HCN1: variants seen among roughly 807,000 people sequenced by gnomAD.
HCN1 encodes the protein hyperpolarization activated cyclic nucleotide gated potassium channel 1, also known as potassium/sodium hyperpolarization-activated cyclic nucleotide-gated channel 1.
In HCN1, 13 loss-of-function variants were observed where a neutral mutation model predicts 78.9. That is an observed-to-expected ratio of 0.16 (90% CI 0.11 to 0.26). The LOEUF (loss-of-function observed/expected upper bound fraction) is 0.26, where lower values mean the gene tolerates loss of function less well. Among genes scored for constraint, HCN1 ranks in the 10% least tolerant of loss-of-function variants. HCN1 has a pLI of 1.00. For synonymous variants in HCN1, 552 were observed against 455.5 expected (o/e 1.21, Z -2.70); for missense variants, 810 against 1,154.3 (o/e 0.70, Z 4.32).
At position 45,315,061 on chromosome 5, in the gene HCN1, G is replaced by A. The variant is rs113491784; in HGVS notation, c.1378-11222C>T. On this transcript the variant is annotated intron_variant, in intron 5 of 7. Transcript: ENST00000303230. ...ATTGAACTCAGCTCTGCACCAAGCG[G>A]ACCTAATAGACATCTACAGAACTCT... Among the ~76,000 whole-genome samples the A allele has an allele frequency of 4.6e-5, 7 of 152,250 alleles. 1 individual carries two copies. Among genetic ancestry groups the A allele is most frequent in the African/African-American group, 1.7e-4 (7 of 41,542 alleles).
intron 6 of HCN1, among the ~76,000 whole-genome samples, chr5:45,267,495 C>T (rs1480210552): frequency 4.0e-5 from 6 of 150,800 alleles, no homozygotes; most frequent in East Asian, 1.9e-4. Flanking sequence ...GAAGGCCAGG[C>T]GCAGTGGCTC....
At position 45,495,661 on chromosome 5, in the gene HCN1, T is replaced by G. The variant is rs947995554; in HGVS notation, c.850-33654A>C. ...TGTTGAATAGGAGTGGTGAGAGAGGTCATCCCTGTCTTGTGCCAGTTTTCA... is the reference window on the plus strand; with the variant it reads ...TGTTGAATAGGAGTGGTGAGAGAGGGCATCCCTGTCTTGTGCCAGTTTTCA... On this transcript the variant is annotated intron_variant, in intron 2 of 7. Transcript: ENST00000303230. Among the ~76,000 whole-genome samples, 648 of 152,126 alleles carry G rather than the reference T, an allele frequency of 4.3e-3. 5 individuals carry two copies. The highest frequency in any genetic ancestry group is 7.3e-3 in the Non-Finnish European group (493 of 67,946).
intron 5 of HCN1, among the ~76,000 whole-genome samples, chr5:45,331,242 T>TA (rs1189997430): frequency 6.6e-6 from 1 of 151,150 alleles, no homozygotes; most frequent in Non-Finnish European, 1.5e-5. Context: ...GTAATCATTG[T>TA]AAAAATAATA....
chr5:45,439,859 G>A (rs1030667082), intron 3 of HCN1, among the ~76,000 whole-genome samples: 7 of 150,964 alleles, frequency 4.6e-5, no homozygotes, highest in Admixed American at 4.6e-4. Flanking sequence ...AAGGTACGAA[G>A]AAACATAAAA....
chr5:45,554,338 C>T (rs7717729), intron 2 of HCN1, among the ~76,000 whole-genome samples: 2,525 of 151,714 alleles, frequency 0.017, 66 homozygotes, highest in African/African-American at 0.057. Flanking sequence ...CCTTATAATC[C>T]AAATATTCTG....
intron 6 of HCN1, among the ~76,000 whole-genome samples, chr5:45,279,575 C>G (rs1745121833): frequency 6.6e-6 from 1 of 151,986 alleles, no homozygotes; most frequent in African/African-American, 2.4e-5. Flanking sequence ...TACTAGAATA[C>G]TAGTAGAAGA....
intron 2 of HCN1, among the ~76,000 whole-genome samples, chr5:45,504,576 T>TTA (rs1742256818): frequency 6.6e-6 from 1 of 152,164 alleles, no homozygotes; most frequent in African/African-American, 2.4e-5. Context: ...GCATGTGTCT[T>TTA]TATAGCAGCA....
intron 5 of HCN1, among the ~76,000 whole-genome samples, chr5:45,334,408 C>A (rs549731481): frequency 6.6e-6 from 1 of 151,856 alleles, no homozygotes; most frequent in East Asian, 1.9e-4. Flanking sequence ...TATTCCAGGC[C>A]ATGGTGAACA....
intron 4 of HCN1, among the ~76,000 whole-genome samples, chr5:45,383,868 C>G (rs929357121): frequency 1.3e-5 from 2 of 152,148 alleles, no homozygotes; most frequent in East Asian, 3.9e-4. Flanking sequence ...GATTCTCTTG[C>G]CTTGTTTGTA....
At chr5:45,674,407 T>A (rs1391441928) in intron 1 of HCN1, among the ~76,000 whole-genome samples, 4 of 151,718 alleles carry the variant, frequency 2.6e-5, no homozygotes, top group Non-Finnish European at 4.4e-5. Context: ...TCTTCTGTGA[T>A]TGATCTTATA....
intron 3 of HCN1, among the ~76,000 whole-genome samples, chr5:45,403,416 G>A (rs1218265235): frequency 1.3e-5 from 2 of 152,182 alleles, no homozygotes; most frequent in African/African-American, 2.4e-5. Flanking sequence ...ACTCAGTTCA[G>A]CATGGCCGGG....
intron 6 of HCN1, 127 bp from the exon 7 acceptor site, chr5:45,267,380 T>C (rs1224396085): frequency 5.5e-6 from 4 of 729,184 alleles, no homozygotes; most frequent in Non-Finnish European, 9.1e-6. Flanking sequence ...CATTTTCTAT[T>C]ATATCAGCAA....
chr5:45,358,466 C>A (rs1747047783), intron 4 of HCN1, among the ~76,000 whole-genome samples: 1 of 151,990 alleles, frequency 6.6e-6, no homozygotes, highest in Non-Finnish European at 1.5e-5. Context: ...AATAATTTTC[C>A]ATTTCTCTGC....
chr5:45,465,569 A>G (rs997220698), intron 2 of HCN1, among the ~76,000 whole-genome samples: 4 of 152,026 alleles, frequency 2.6e-5, no homozygotes, highest in African/African-American at 9.7e-5. Context: ...AGCCTGGCCA[A>G]TGTGGTGAAC....
Position 45,696,119 on chromosome 5 carries a change from C to A in HCN1, c.-26G>T, listed in dbSNP as rs565281097. 1.9e-4 allele frequency: 254 copies of A among 1,310,562 alleles called. No individual in the cohort carries two copies. The African/African-American group carries it at 3.7e-3, about 19-fold the overall frequency. The allele number at this position is 1,310,562 out of a possible 1,614,324, so 81.2% of individuals were successfully genotyped here. ...GCCCGGAGGACGCGGCCGGCGACGG[C>A]GCGGGCTCCAGACTCGCCGGCCGCC... On this transcript the variant is annotated 5_prime_UTR_variant, in exon 1 of 8. Coordinates refer to ENST00000303230, the MANE Select transcript of HCN1 (RefSeq NM_021072.4).
At chr5:45,639,435 A>C (rs144514916) in intron 2 of HCN1, among the ~76,000 whole-genome samples, 245 of 152,300 alleles carry the variant, frequency 1.6e-3, no homozygotes, top group African/African-American at 5.6e-3. Context: ...TTTCATTTGA[A>C]CTTCACAACT....
At chr5:45,630,135 TAA>T (rs1166687610) in intron 2 of HCN1, among the ~76,000 whole-genome samples, 3 of 152,154 alleles carry the variant, frequency 2.0e-5, no homozygotes, top group African/African-American at 7.2e-5. Context: ...ATCGGCCCCC[TAA>T]TGCTTCCACT....
intron 2 of HCN1, among the ~76,000 whole-genome samples, chr5:45,532,854 T>C (rs1035172026): frequency 6.6e-6 from 1 of 152,222 alleles, no homozygotes; most frequent in Non-Finnish European, 1.5e-5. Flanking sequence ...CCCGCACTTT[T>C]CCTTGCAAAT....
chr5:45,363,133 TATATATATATAC>T (rs1277749193), intron 4 of HCN1, among the ~76,000 whole-genome samples: 3 of 108,796 alleles, frequency 2.8e-5, no homozygotes, highest in Non-Finnish European at 5.3e-5. Context: ...TATAACATAT[TATATATATATAC>T]ATATATATAT....
Sources: gnomAD v4.1 joint callset for allele counts (sites outside exome capture counted in the v4.1 genomes callset) on GRCh38, gnomAD v4.1.1 for gene constraint, MANE v1.5 for transcripts, NCBI Gene and HGNC (gene_info 2026-07-23, HGNC 2026-07-21) for gene names.